The following SALL2 variants were observed in gnomAD, a reference collection of about 807,000 sequenced individuals.
SALL2 encodes sal-like protein 2.
Under a neutral mutation model 58.5 loss-of-function variants are expected in SALL2, and 32 were observed. That is an observed-to-expected ratio of 0.55 (90% CI 0.41 to 0.74). The LOEUF (loss-of-function observed/expected upper bound fraction) is 0.74. Ranked by LOEUF, SALL2 falls within the 30% of genes least tolerant of loss-of-function variation. The pLI, the probability that SALL2 is intolerant of heterozygous loss-of-function variation, is 0.00. For synonymous variants in SALL2, 516 were observed against 513.6 expected, an observed-to-expected ratio of 1.00 and a Z score of -0.06; for missense variants, 1,201 against 1,268.9, an observed-to-expected ratio of 0.95 and a Z score of 0.81.
chr14:21,522,620 T>C lies in SALL2; in HGVS notation c.*84A>G. ...TAAGAACTTAGAGAAAAAGACAAAA[T>C]CAGGGCTCATAACTCTGGGAGGTCC... is the stretch of plus-strand genomic sequence containing the variant. On this transcript the variant is annotated 3_prime_UTR_variant, in exon 2 of 2. Coordinates refer to ENST00000537235, the MANE Select transcript of SALL2 (RefSeq NM_001364564.1). 6.8e-7 allele frequency: 1 copy of C among 1,481,212 alleles called. No homozygotes were observed. The highest frequency in any genetic ancestry group is 1.5e-5 in the South Asian group (1 of 65,498). The allele number at this position is 1,481,212 out of a possible 1,614,324, so 91.8% of individuals were successfully genotyped here.
At chr14:21,526,803 C>G (rs535880529), upstream of SALL2, among the ~76,000 whole-genome samples, 3 of 152,236 alleles carry the variant, frequency 2.0e-5, no homozygotes, top group South Asian at 6.2e-4. Flanking sequence ...ACACACACCC[C>G]AAAATATTCG....
At position 21,525,888 on chromosome 14, in the gene SALL2, C is replaced by T. The variant is rs1293998608; in HGVS notation, c.67+173G>A. ...GAGGGGGGCAAGAGCATGCTACTCC[C>T]CTCCTCAGCCACCCTCCCTTCCCCA... On this transcript the variant is annotated intron_variant, in intron 1 of 1. Transcript: ENST00000537235. This position sits in a 1 kb window ranked among gnomAD's most constrained non-coding sequence, Gnocchi z 4.4. Among the ~76,000 whole-genome samples, 2 of 151,106 alleles carry T rather than the reference C, an allele frequency of 1.3e-5. No homozygotes were observed. Among genetic ancestry groups the T allele is most frequent in the Non-Finnish European group, 3.0e-5 (2 of 67,686 alleles).
Position 21,521,324 on chromosome 14 carries a change from G to A in SALL2, c.*1380C>T, listed in dbSNP as rs1892020895. ...GGCAGGGAGGACGCCACCTGGAGCT[G>A]GTCTCCCAAAGTCTGGGACTCTTAA... On this transcript the variant is annotated 3_prime_UTR_variant, in exon 2 of 2. Coordinates refer to ENST00000537235, the MANE Select transcript of SALL2 (RefSeq NM_001364564.1). The A allele has an allele frequency of 9.0e-6, 1 of 111,574 alleles. No homozygotes were observed. Among genetic ancestry groups the A allele is most frequent in the Non-Finnish European group, 2.2e-5 (1 of 45,158 alleles). 6.9% of individuals were successfully genotyped at this position (111,574 alleles called of 1,614,324 possible). A position where few individuals can be genotyped will look rare whatever the true frequency, so the allele number is the denominator to read the frequency against.
chr14:21,536,972 C>G lies in SALL2; in HGVS notation c.-124G>C, dbSNP rs1459621585. 2.6e-6 allele frequency: 4 copies of G among 1,543,268 alleles called. No individual in the cohort carries two copies. The African/African-American group carries it at 4.1e-5, about 16-fold the overall frequency. ...AGGGGCAACGCTCACTTGGTCTTAA[C>G]CGGGGTGACCTGGTCTCGTCTCCCC... On this transcript the variant is annotated 5_prime_UTR_variant, in exon 1 of 2. Transcript: ENST00000541965.
chr14:21,526,211 G>A lies in SALL2; in HGVS notation c.-84C>T, dbSNP rs1892304035. Reference sequence around the variant, plus strand: ...GGAGGCGATGGCCGCTGGGTCTGCGGCAGCCTCTGCACCCAGCGGCCCAGA... The same window carrying A: ...GGAGGCGATGGCCGCTGGGTCTGCGACAGCCTCTGCACCCAGCGGCCCAGA... On this transcript the variant is annotated 5_prime_UTR_variant, in exon 1 of 2. Transcript: ENST00000537235. The A allele has an allele frequency of 2.0e-6, 3 of 1,518,986 alleles. No individual in the cohort carries two copies. In the South Asian group the frequency reaches 3.6e-5, roughly 18 times the overall value. 94.1% of individuals were successfully genotyped at this position (1,518,986 alleles called of 1,614,324 possible). A position where few individuals can be genotyped will look rare whatever the true frequency, so the allele number is the denominator to read the frequency against.
chr14:21,530,514 C>T (rs1392201016), upstream of SALL2, among the ~76,000 whole-genome samples: 1 of 152,022 alleles, frequency 6.6e-6, no homozygotes, highest in Non-Finnish European at 1.5e-5. Context: ...TCTCAAACTC[C>T]CGACCTCAGG....
Position 21,524,095 on chromosome 14 carries a change from C to T in SALL2, c.1627G>A (p.Ala543Thr), listed in dbSNP as rs1358574028. The T allele has an allele frequency of 6.2e-7, 1 of 1,613,956 alleles. No individual in the cohort carries two copies. The highest frequency in any genetic ancestry group is 8.5e-7 in the Non-Finnish European group (1 of 1,179,904). ...AACTTACTTAGTTGCATGCGAGTTG[C>T]CGTGCTACTTTCTGCCACTCCACTG... ...AISGVAESST[A>T]TRMQLSKLVT... Residue 543 changes from alanine to threonine, a missense_variant, in exon 2 of 2, where the codon GCA becomes ACA. By Grantham distance (58) the Ala-to-Thr change is moderately conservative (BLOSUM62 0). This residue lies in a region of SALL2 where 675 missense variants were observed against 683.8 expected (regional missense o/e 0.99). Coordinates refer to ENST00000537235, the MANE Select transcript of SALL2 (RefSeq NM_001364564.1).
upstream of SALL2, chr14:21,526,443 G>T: frequency 7.5e-7 from 1 of 1,324,684 alleles, no homozygotes; most frequent in Non-Finnish European, 9.7e-7. Context: ...TAGCGGGGGC[G>T]TGGGGGCGGG....
Position 21,523,569 on chromosome 14 carries a change from T to C in SALL2, c.2153A>G (p.Asn718Ser), listed in dbSNP as rs375399531. The C allele has an allele frequency of 9.3e-6, 15 of 1,614,100 alleles. No homozygotes were observed. Among genetic ancestry groups the C allele is most frequent in the African/African-American group, 5.3e-5 (4 of 74,950 alleles). ...ACCTTCAGGGAGTGCAGTACCACCG[T>C]TGGGGATCTGGCCCCCCAGGTGCAT... ...VRMHLGGQIP[N>S]GGTALPEGGG... is the part of the protein sequence containing the mutation. The change falls in exon 2 of 2, where the codon AAC becomes AGC. Residue 718 changes from asparagine to serine, a missense_variant. Transcript: ENST00000537235. This position sits in a 1 kb window ranked among gnomAD's most constrained non-coding sequence, Gnocchi z 4.4.
upstream of SALL2, chr14:21,537,112 ACT>A (rs1007744860): frequency 4.9e-5 from 28 of 575,882 alleles, no homozygotes; most frequent in African/African-American, 2.1e-4. Context: ...TCTGTTCTTG[ACT>A]CTCTCTCTTT....
rs1265963679 is a variant in SALL2, at chr14:21,523,374, C to T, written c.2348G>A (p.Gly783Glu). Residue 783 changes from glycine to glutamate, a missense_variant, in exon 2 of 2, where the codon GGG becomes GAG. Physicochemically the swap from Gly to Glu is moderately conservative, Grantham distance 98. Coordinates refer to ENST00000537235, the MANE Select transcript of SALL2 (RefSeq NM_001364564.1). This position sits in a 1 kb window ranked among gnomAD's most constrained non-coding sequence, Gnocchi z 4.4. ...CTCACCTCCACTCTCTGAGCCTCTC[C>T]CTGCCAGGGAATCTTCATCAGTCAC... ...EDVTDEDSLA[G>E]RGSESGGEKA... 6.2e-7 allele frequency: 1 copy of T among 1,613,674 alleles called. No individual in the cohort carries two copies. Among genetic ancestry groups the T allele is most frequent in the South Asian group, 1.1e-5 (1 of 91,080 alleles).
In SALL2 at chr14:21,523,480, G is replaced by T; in HGVS notation, c.2242C>A (p.Gln748Lys). 6.2e-7 allele frequency: 1 copy of T among 1,614,098 alleles called. No individual in the cohort carries two copies. Among genetic ancestry groups the T allele is most frequent in the South Asian group, 1.1e-5 (1 of 91,072 alleles). Residue 748 changes from glutamine (Q) to lysine (K), a missense_variant, in exon 2 of 2, where the codon CAG (glutamine) becomes AAG (lysine). This residue lies in a region of SALL2 where 675 missense variants were observed against 683.8 expected (regional missense o/e 0.99). Coordinates refer to ENST00000537235, the MANE Select transcript of SALL2 (RefSeq NM_001364564.1). The surrounding 1 kb of genome is among the most constrained non-coding windows in gnomAD (Gnocchi z 4.4). ...STVSGARSFP[Q>K]QQSQQPSPEE... ...GGTGATGGCTGCTGGGACTGCTGCT[G>T]GGGGAAACTCCGTGCCCCGGAGACT...
At chr14:21,531,745 CG>C (rs1359596418) in intron 1 of SALL2, among the ~76,000 whole-genome samples, 5,281 of 66,716 alleles carry the variant, frequency 0.079, 158 homozygotes, top group Middle Eastern at 0.22. Flanking sequence ...CTCGCTCTGT[CG>C]CCCAGGCTGG....
chr14:21,530,281 CTTTTTTTTTTT>C (rs34598628), upstream of SALL2, among the ~76,000 whole-genome samples: 1 of 64,850 alleles, frequency 1.5e-5, no homozygotes, highest in Non-Finnish European at 2.7e-5. Flanking sequence ...TTTTTTCTTT[CTTTTTTTTTTT>C]TTTTTTTTTT....
At chr14:21,531,473 C>A (rs1043465898) in intron 1 of SALL2, among the ~76,000 whole-genome samples, 2 of 151,726 alleles carry the variant, frequency 1.3e-5, no homozygotes, top group African/African-American at 4.8e-5. Flanking sequence ...ATGGCACGAT[C>A]TTAGCTCACC....
chr14:21,535,597 T>C (rs552858571), intron 1 of SALL2, among the ~76,000 whole-genome samples: 1 of 152,322 alleles, frequency 6.6e-6, no homozygotes, highest in African/African-American at 2.4e-5. Context: ...AGTATACACA[T>C]CTTTATTTCA....
intron 1 of SALL2, among the ~76,000 whole-genome samples, chr14:21,533,576 A>C (rs1351766521): frequency 6.8e-6 from 1 of 147,138 alleles, no homozygotes; most frequent in Non-Finnish European, 1.5e-5. Flanking sequence ...CCAGATTTCT[A>C]GACTCTGTAG....
At chr14:21,534,327 G>A (rs8016621) in intron 1 of SALL2, among the ~76,000 whole-genome samples, 9,112 of 152,098 alleles carry the variant, frequency 0.06, 898 homozygotes, top group African/African-American at 0.2. Context: ...CTTTCTTACG[G>A]TAGATCTTAA....
At chr14:21,526,034 T>G in intron 1 of SALL2, 27 bp downstream of exon 1, 6 of 662,400 alleles carry the variant, frequency 9.1e-6, no homozygotes, top group Non-Finnish European at 1.5e-5. Flanking sequence ...CCCCCACCCC[T>G]GCCCAGCCCG....
Sources: gnomAD v4.1 joint callset for allele counts (sites outside exome capture counted in the v4.1 genomes callset) on GRCh38, gnomAD v4.1.1 for gene constraint, gnomAD v4.1.1 regional missense constraint, Gnocchi (gnomAD v3.1) non-coding constraint, MANE v1.5 for transcripts, NCBI Gene and HGNC (gene_info 2026-07-23, HGNC 2026-07-21) for gene names.